PCDHGB5: variants seen among roughly 807,000 people sequenced by gnomAD.
PCDHGB5 encodes the protein protocadherin gamma-B5.
A neutral mutation model predicts 62.9 loss-of-function variants in PCDHGB5; 48 were observed. That is an observed-to-expected ratio of 0.76 (90% CI 0.61 to 0.97). PCDHGB5 has a LOEUF of 0.97. Ranked by LOEUF, PCDHGB5 falls within the 50% of genes least tolerant of loss-of-function variation. The probability of loss-of-function intolerance (pLI) is 0.00; values close to 1 mark genes in which losing one functional copy is unlikely to be tolerated. For synonymous variants in PCDHGB5, 474 were observed against 511.2 expected (o/e 0.93, Z 0.98); for missense variants, 1,118 against 1,198.6 (o/e 0.93, Z 0.99).
At chr5:141,414,312 C>T in intron 1 of PCDHGB5, 1 of 1,613,724 alleles carries the variant, frequency 6.2e-7, no homozygotes, top group South Asian at 1.1e-5. Context: ...ATGATTTAGA[C>T]TCTGAGCAGA....
intron 1 of PCDHGB5, chr5:141,424,576 C>CA (rs2096829154): frequency 6.6e-6 from 1 of 152,132 alleles, no homozygotes; most frequent in African/African-American, 2.4e-5. Context: ...AACCTATTTT[C>CA]AAATGTGCTA....
Position 141,400,227 on chromosome 5 carries a change from C to A in PCDHGB5, c.2100C>A (p.Leu700=), listed in dbSNP as rs760084071. ...TGGCCTTGATCTCAGTGCTCTTCCT[C>A]CTGGCCGTGATTCTGGCCGTTGCCT... ...VALALISVLF[L]LAVILAVALR... is the part of the protein sequence containing the mutation. The change falls in exon 1 of 4, where the codon CTC becomes CTA. Residue 700 remains leucine, a synonymous_variant. Transcript: ENST00000617380. 1.2e-6 allele frequency: 2 copies of A among 1,614,052 alleles called. No individual in the cohort carries two copies. Among genetic ancestry groups the A allele is most frequent in the Non-Finnish European group, 1.7e-6 (2 of 1,179,904 alleles).
chr5:141,402,760 G>A (rs2094303871), intron 1 of PCDHGB5, among the ~76,000 whole-genome samples: 1 of 152,176 alleles, frequency 6.6e-6, no homozygotes, highest in African/African-American at 2.4e-5. Flanking sequence ...CGAAAATCAG[G>A]ACTCCATCCG....
rs754953894 is a variant in PCDHGB5 at position 141,409,856 on chromosome 5, G to T, written c.2397+9332G>T. 4.0e-5 allele frequency: 64 copies of T among 1,612,232 alleles called. No individual in the cohort carries two copies. Among genetic ancestry groups the T allele is most frequent in the Non-Finnish European group, 5.3e-5 (62 of 1,179,390 alleles). On this transcript the variant is annotated intron_variant, in intron 1 of 3. Coordinates refer to ENST00000617380, the MANE Select transcript of PCDHGB5 (RefSeq NM_018925.3). ...CGCCAACGTGAGCCTGCGCGTGTTG[G>T]TGGGAGACCGCAATGACAACGCACC... is the stretch of plus-strand genomic sequence containing the variant.
chr5:141,445,341 A>G (rs1165606147), intron 1 of PCDHGB5, among the ~76,000 whole-genome samples: 2 of 152,218 alleles, frequency 1.3e-5, no homozygotes, highest in African/African-American at 4.8e-5. Context: ...AACAGTAAAC[A>G]TTGGTGTCTG....
At chr5:141,408,691 C>T (rs1013098114) in intron 1 of PCDHGB5, 1 of 1,613,854 alleles carries the variant, frequency 6.2e-7, no homozygotes, top group Non-Finnish European at 8.5e-7. Flanking sequence ...CTGATATAAA[C>T]ATAAACTCAA....
Position 141,490,162 on chromosome 5 carries a change from A to C in PCDHGB5, c.2398-4645A>C. ...TGGGGCAATCCATGTGTTGGGTCCC[A>C]TAGACTTTGAGGAGTCACGTTTCTA... On this transcript the variant is annotated intron_variant, in intron 1 of 3. Coordinates refer to ENST00000617380, the MANE Select transcript of PCDHGB5 (RefSeq NM_018925.3). The surrounding 1 kb of genome is among the most constrained non-coding windows in gnomAD (Gnocchi z 5.4). The C allele has an allele frequency of 6.2e-7, 1 of 1,614,218 alleles. No individual in the cohort carries two copies. The highest frequency in any genetic ancestry group is 8.5e-7 in the Non-Finnish European group (1 of 1,180,028).
intron 1 of PCDHGB5, among the ~76,000 whole-genome samples, chr5:141,482,329 T>A (rs1334833454): frequency 6.6e-6 from 1 of 152,160 alleles, no homozygotes; most frequent in Non-Finnish European, 1.5e-5. Context: ...ATAAAGAGAA[T>A]ATCTACTTTG....
chr5:141,416,308 T>C (rs1472911605), intron 1 of PCDHGB5: 1 of 152,266 alleles, frequency 6.6e-6, no homozygotes, highest in East Asian at 1.9e-4. Context: ...ATGTGGAAGA[T>C]ATAGCATTTT....
chr5:141,498,509 C>T (rs2099784058), intron 2 of PCDHGB5, among the ~76,000 whole-genome samples: 1 of 151,740 alleles, frequency 6.6e-6, no homozygotes, highest in East Asian at 1.9e-4. Flanking sequence ...TCCCTCCCCA[C>T]CATCTTGCCC....
At chr5:141,452,831 G>A (rs1184490491) in intron 1 of PCDHGB5, among the ~76,000 whole-genome samples, 1 of 152,104 alleles carries the variant, frequency 6.6e-6, no homozygotes, top group Non-Finnish European at 1.5e-5. Flanking sequence ...AAAATCACTT[G>A]GTCCAGCCCA....
intron 1 of PCDHGB5, among the ~76,000 whole-genome samples, chr5:141,474,311 G>T (rs1374954373): frequency 1.3e-5 from 2 of 152,134 alleles, no homozygotes. Context: ...AAACTTTAAT[G>T]TGTTTTCAAA....
At chr5:141,445,575 G>A (rs571896159) in intron 1 of PCDHGB5, among the ~76,000 whole-genome samples, 18 of 152,262 alleles carry the variant, frequency 1.2e-4, no homozygotes, top group African/African-American at 4.3e-4. Flanking sequence ...CTTATAGTAG[G>A]GAAGCTTCGC....
chr5:141,483,166 A>G (rs1288499520), intron 1 of PCDHGB5, among the ~76,000 whole-genome samples: 1 of 152,138 alleles, frequency 6.6e-6, no homozygotes, highest in Non-Finnish European at 1.5e-5. Flanking sequence ...ATCCTGAGTT[A>G]CCTTTGGGCC....
rs1263406836 is a variant in PCDHGB5 at position 141,491,918 on chromosome 5, G to A, written c.2398-2889G>A. On this transcript the variant is annotated intron_variant, in intron 1 of 3. Coordinates refer to ENST00000617380, the MANE Select transcript of PCDHGB5 (RefSeq NM_018925.3). The surrounding 1 kb of genome is among the most constrained non-coding windows in gnomAD (Gnocchi z 6.9). ...GCACCGGGGGTGGTGGCGACTGTGGGCGAGGGGAGGTGGGACCGACCCCCA... is the reference window on the plus strand; with the variant it reads ...GCACCGGGGGTGGTGGCGACTGTGGACGAGGGGAGGTGGGACCGACCCCCA... 2 of 1,371,698 alleles carry A rather than the reference G, an allele frequency of 1.5e-6. No homozygotes were observed. Among genetic ancestry groups the A allele is most frequent in the Non-Finnish European group, 1.9e-6 (2 of 1,028,962 alleles). 85.0% of individuals were successfully genotyped at this position (1,371,698 alleles called of 1,614,324 possible).
In PCDHGB5 at chr5:141,487,128, G is replaced by T. The variant is rs565927415; in HGVS notation, c.2398-7679G>T. On this transcript the variant is annotated intron_variant, in intron 1 of 3. Transcript: ENST00000617380. This position sits in a 1 kb window ranked among gnomAD's most constrained non-coding sequence, Gnocchi z 5.0. ...GTCATTGTGGTAAAGGATAGTGGTA[G>T]TCCACCACTCTCTACCTCTGTTACT... The T allele has an allele frequency of 6.3e-5, 102 of 1,614,086 alleles. No individual in the cohort carries two copies. The South Asian group carries it at 7.7e-4, about 12-fold the overall frequency.
chr5:141,401,922 A>C (rs899426870), intron 1 of PCDHGB5, among the ~76,000 whole-genome samples: 10 of 152,194 alleles, frequency 6.6e-5, no homozygotes, highest in Non-Finnish European at 1.3e-4. Flanking sequence ...AGTTTAAGTG[A>C]TGCTTAGAAT....
intron 1 of PCDHGB5, chr5:141,414,397 T>C: frequency 6.2e-7 from 1 of 1,613,920 alleles, no homozygotes; most frequent in Middle Eastern, 1.6e-4. Context: ...TTATTACAGA[T>C]TGGTGATACA....
chr5:141,432,997 G>A lies in PCDHGB5; in HGVS notation c.2397+32473G>A, dbSNP rs778828769. ...CGCACTTTGTGGGCGTGGACGGGGT[G>A]CAGGCTTTCCTGCAGACCTATTCCC... is the stretch of plus-strand genomic sequence containing the variant. On this transcript the variant is annotated intron_variant, in intron 1 of 3. Coordinates refer to ENST00000617380, the MANE Select transcript of PCDHGB5 (RefSeq NM_018925.3). This position sits in a 1 kb window ranked among gnomAD's most constrained non-coding sequence, Gnocchi z 6.0. 5 of 1,614,082 alleles carry A rather than the reference G, an allele frequency of 3.1e-6. No homozygotes were observed. In the Admixed American group the frequency reaches 8.3e-5, roughly 27 times the overall value.
Sources: gnomAD v4.1 joint callset for allele counts (sites outside exome capture counted in the v4.1 genomes callset) on GRCh38, gnomAD v4.1.1 for gene constraint, Gnocchi (gnomAD v3.1) non-coding constraint, MANE v1.5 for transcripts, NCBI Gene and HGNC (gene_info 2026-07-23, HGNC 2026-07-21) for gene names.